Variants in FRMD4B observed in about 807,000 individuals in gnomAD.
The protein encoded by FRMD4B is FERM domain-containing protein 4B.
A neutral mutation model predicts 141.5 loss-of-function variants in FRMD4B; 74 were observed. The observed-to-expected ratio is 0.52, with a 90% CI of 0.43 to 0.63. The LOEUF (loss-of-function observed/expected upper bound fraction) is 0.63, where lower values mean the gene tolerates loss of function less well. Ranked by LOEUF, FRMD4B falls within the 30% of genes least tolerant of loss-of-function variation. FRMD4B has a pLI of 0.00. For missense variants in FRMD4B, 1,366 were observed against 1,253.4 expected (o/e 1.09, Z -1.36); for synonymous variants, 506 against 467.9 (o/e 1.08, Z -1.05).
rs1553702080 is a variant in FRMD4B, at chr3:69,211,023, G to GGAAAA, written c.876+5239_876+5240insTTTTC. Among the ~76,000 whole-genome samples the GGAAAA allele has an allele frequency of 8.2e-5, 7 of 85,836 alleles. No homozygotes were observed. The East Asian group carries it at 1.2e-3, about 15-fold the overall frequency. The allele number at this position is 85,836 out of a possible 152,430, so 56.3% of individuals were successfully genotyped here. A position where few individuals can be genotyped will look rare whatever the true frequency, so the allele number is the denominator to read the frequency against. ...ACAAGAGTGAGTGAAATGCCATCTC[G>GGAAAA]AAAAAAAAAAAAAAAAAGAAAGAAA... is the stretch of plus-strand genomic sequence containing the variant. On this transcript the variant is annotated intron_variant, in intron 11 of 22. Coordinates refer to ENST00000398540, the MANE Select transcript of FRMD4B (RefSeq NM_015123.3).
intron 2 of FRMD4B, among the ~76,000 whole-genome samples, chr3:69,423,039 G>A (rs1417942894): frequency 6.6e-6 from 1 of 152,126 alleles, no homozygotes; most frequent in Non-Finnish European, 1.5e-5. Flanking sequence ...GACCATAAGG[G>A]CCCTTTTTTG....
chr3:69,398,700 C>T (rs1158077137), intron 2 of FRMD4B, among the ~76,000 whole-genome samples: 1 of 152,164 alleles, frequency 6.6e-6, no homozygotes, highest in Non-Finnish European at 1.5e-5. Context: ...TGAGTGGGGG[C>T]TGTAATCTAG....
At position 69,195,436 on chromosome 3, in the gene FRMD4B, T is replaced by C. The variant is rs527969351; in HGVS notation, c.1235-72A>G. On this transcript the variant is annotated intron_variant, in intron 14 of 22. Transcript: ENST00000398540. ...CCTTCCTTTCTAAGGGACAAAGGAT[T>C]TTTAAGCTAAAGCTGCTATTAAATG... is the stretch of plus-strand genomic sequence containing the variant. 5.1e-5 allele frequency: 65 copies of C among 1,281,952 alleles called. No homozygotes were observed. In the Admixed American group the frequency reaches 8.9e-4, roughly 18 times the overall value. 79.4% of individuals were successfully genotyped at this position (1,281,952 alleles called of 1,614,324 possible). A position where few individuals can be genotyped will look rare whatever the true frequency, so the allele number is the denominator to read the frequency against.
chr3:69,270,221 C>T (rs973734607), intron 5 of FRMD4B, among the ~76,000 whole-genome samples: 13 of 152,188 alleles, frequency 8.5e-5, no homozygotes, highest in African/African-American at 3.1e-4. Context: ...TGCAAAGGTT[C>T]CCCAAAATAG....
intron 4 of FRMD4B, among the ~76,000 whole-genome samples, chr3:69,293,902 A>G (rs1429089063): frequency 6.8e-6 from 1 of 147,694 alleles, no homozygotes; most frequent in East Asian, 1.9e-4. Flanking sequence ...AAAAAAAAAA[A>G]AAAAAATCCA....
rs560069613 is a variant in FRMD4B, at chr3:69,489,906, G to C, written c.-129+52300C>G. ...ATAGAATACTATTCAGTAATGAAAAGTAATAAAATACTGATAGAGCTACAA... is the reference window on the plus strand; with the variant it reads ...ATAGAATACTATTCAGTAATGAAAACTAATAAAATACTGATAGAGCTACAA... On this transcript the variant is annotated intron_variant, in intron 1 of 5. Coordinates refer to the FRMD4B transcript ENST00000459638. Among the ~76,000 whole-genome samples, 7 of 152,272 alleles carry C rather than the reference G, an allele frequency of 4.6e-5. No homozygotes were observed. The East Asian group carries it at 1.4e-3, about 29-fold the overall frequency.
chr3:69,392,334 C>T (rs1188307571), intron 2 of FRMD4B, among the ~76,000 whole-genome samples: 6 of 152,238 alleles, frequency 3.9e-5, no homozygotes, highest in Middle Eastern at 3.4e-3. Flanking sequence ...TTAAGGGATG[C>T]CTCCCTGAGC....
intron 1 of FRMD4B, among the ~76,000 whole-genome samples, chr3:69,534,587 G>A (rs1478568491): frequency 6.6e-6 from 1 of 152,184 alleles, no homozygotes; most frequent in African/African-American, 2.4e-5. Flanking sequence ...AGATGGTTGT[G>A]GGAGGCTGAA....
chr3:69,284,262 TATAGAGG>T (rs1165205367), intron 5 of FRMD4B, among the ~76,000 whole-genome samples: 4 of 152,146 alleles, frequency 2.6e-5, no homozygotes, highest in Non-Finnish European at 2.9e-5. Context: ...CCTGAAAATC[TATAGAGG>T]GTCTCCTCTG....
At chr3:69,407,804 T>C (rs1464155417) in intron 2 of FRMD4B, among the ~76,000 whole-genome samples, 1 of 152,212 alleles carries the variant, frequency 6.6e-6, no homozygotes, top group African/African-American at 2.4e-5. Context: ...GTGTCACCCA[T>C]TTCTTTCATT....
chr3:69,247,330 T>C (rs921217242), intron 7 of FRMD4B, among the ~76,000 whole-genome samples: 2 of 152,144 alleles, frequency 1.3e-5, no homozygotes, highest in African/African-American at 2.4e-5. Flanking sequence ...GTGTGAGCTT[T>C]TGGGCCCTGA....
chr3:69,499,185 G>A (rs570219856), intron 1 of FRMD4B, among the ~76,000 whole-genome samples: 4 of 152,270 alleles, frequency 2.6e-5, no homozygotes, highest in South Asian at 4.2e-4. Flanking sequence ...TGGTGAGAGT[G>A]CCCTGAACCC....
In FRMD4B at chr3:69,511,309, T is replaced by C. The variant is rs1371823384; in HGVS notation, c.-129+30897A>G. On this transcript the variant is annotated intron_variant, in intron 1 of 5. Transcript: ENST00000459638. ...AATCTTTTTAAACTGAAAAAGAATT[T>C]ATAATTTTTTTAATGTTCAGGTTGC... Among the ~76,000 whole-genome samples, 5 of 152,154 alleles carry C rather than the reference T, an allele frequency of 3.3e-5. No homozygotes were observed. The East Asian group carries it at 9.7e-4, about 29-fold the overall frequency.
intron 19 of FRMD4B, among the ~76,000 whole-genome samples, chr3:69,184,951 A>G (rs1185759521): frequency 6.6e-6 from 1 of 152,188 alleles, no homozygotes; most frequent in East Asian, 1.9e-4. Context: ...CCTAAATGCT[A>G]ATCCACAAAC....
Position 69,175,849 on chromosome 3 carries a change from G to C in FRMD4B, c.2984+675C>G, listed in dbSNP as rs933887943. ...AGGCTGGAGTGCAGTGGCGCGATCT[G>C]GGCTCACTGCAAGCTCTGCCTCTGG... On this transcript the variant is annotated intron_variant, in intron 22 of 22. Coordinates refer to ENST00000398540, the MANE Select transcript of FRMD4B (RefSeq NM_015123.3). Among the ~76,000 whole-genome samples the C allele has an allele frequency of 1.5e-4, 21 of 141,390 alleles. No homozygotes were observed. The South Asian group carries it at 2.4e-3, about 16-fold the overall frequency. 92.8% of individuals were successfully genotyped at this position (141,390 alleles called of 152,430 possible). A position where few individuals can be genotyped will look rare whatever the true frequency, so the allele number is the denominator to read the frequency against.
intron 1 of FRMD4B, among the ~76,000 whole-genome samples, chr3:69,473,422 T>C (rs1335745745): frequency 6.6e-6 from 1 of 152,160 alleles, no homozygotes; most frequent in Middle Eastern, 3.2e-3. Flanking sequence ...ACAATTTGGC[T>C]TCATTGGCAA....
chr3:69,456,483 G>C (rs538658178), intron 1 of FRMD4B, among the ~76,000 whole-genome samples: 1 of 151,840 alleles, frequency 6.6e-6, no homozygotes. Context: ...TTAAATGCCC[G>C]TAAAGGAGAG....
chr3:69,280,423 G>T (rs1315809437), intron 5 of FRMD4B, among the ~76,000 whole-genome samples: 1 of 152,114 alleles, frequency 6.6e-6, no homozygotes, highest in Non-Finnish European at 1.5e-5. Context: ...GAGTGCTAGT[G>T]CACTCCTGAA....
chr3:69,351,236 G>A (rs1703139356), intron 1 of FRMD4B, among the ~76,000 whole-genome samples: 1 of 152,036 alleles, frequency 6.6e-6, no homozygotes, highest in African/African-American at 2.4e-5. Flanking sequence ...TCCAGTTTAG[G>A]AAAATATTGC....
Sources: gnomAD v4.1 joint callset for allele counts (sites outside exome capture counted in the v4.1 genomes callset) on GRCh38, gnomAD v4.1.1 for gene constraint, MANE v1.5 for transcripts, NCBI Gene and HGNC (gene_info 2026-07-23, HGNC 2026-07-21) for gene names.